Variants in SRGAP3 observed in about 807,000 individuals in gnomAD.
SRGAP3 encodes SLIT-ROBO Rho GTPase activating protein 3, also known as SLIT-ROBO Rho GTPase-activating protein 3.
SRGAP3 carries 39 observed loss-of-function variants against 121.1 expected under a neutral mutation model. The observed-to-expected ratio is 0.32, with a 90% CI of 0.25 to 0.42. The LOEUF (loss-of-function observed/expected upper bound fraction) is 0.42. Among genes scored for constraint, SRGAP3 ranks in the 10% least tolerant of loss-of-function variants. SRGAP3 has a pLI of 1.00. For missense variants in SRGAP3, 1,213 were observed against 1,470.6 expected, an observed-to-expected ratio of 0.82 and a Z score of 2.86; for synonymous variants, 601 against 570.0, an observed-to-expected ratio of 1.05 and a Z score of -0.77.
intron 1 of SRGAP3, among the ~76,000 whole-genome samples, chr3:9,214,280 T>A (rs1266213133): frequency 6.6e-6 from 1 of 152,198 alleles, no homozygotes; most frequent in African/African-American, 2.4e-5. Flanking sequence ...TTGCAAAGAA[T>A]ACTCATATTC....
chr3:8,986,041 G>T lies in SRGAP3; in HGVS notation c.2887-109C>A, dbSNP rs1941685822. 3 of 1,561,786 alleles carry T rather than the reference G, an allele frequency of 1.9e-6. No individual in the cohort carries two copies. In the Admixed American group the frequency reaches 5.5e-5, roughly 29 times the overall value. On this transcript the variant is annotated intron_variant, in intron 21 of 21. Transcript: ENST00000383836. ...AGGCAGGTTCCCCAGAAGCCTCGCGGCAGGGATGGAGATTAAGTCCTCAGG... is the reference window on the plus strand; with the variant it reads ...AGGCAGGTTCCCCAGAAGCCTCGCGTCAGGGATGGAGATTAAGTCCTCAGG...
At chr3:9,331,842 C>T (rs1395809090) in intron 1 of SRGAP3, among the ~76,000 whole-genome samples, 2 of 152,112 alleles carry the variant, frequency 1.3e-5, no homozygotes, top group Non-Finnish European at 2.9e-5. Flanking sequence ...AGCCTCCAGC[C>T]AACAACCTTC....
intron 3 of SRGAP3, among the ~76,000 whole-genome samples, chr3:9,298,906 G>C (rs1484634794): frequency 2.6e-5 from 4 of 151,898 alleles, no homozygotes; most frequent in African/African-American, 9.7e-5. Context: ...AGAAAAATTA[G>C]CCGGGCGTGG....
At chr3:9,070,936 G>A (rs961809548) in intron 4 of SRGAP3, among the ~76,000 whole-genome samples, 5 of 152,112 alleles carry the variant, frequency 3.3e-5, no homozygotes, top group African/African-American at 4.8e-5. Context: ...GATGAAGGAC[G>A]TACTAGGCAC....
At chr3:9,127,546 C>T (rs1337128463) in intron 1 of SRGAP3, among the ~76,000 whole-genome samples, 1 of 152,198 alleles carries the variant, frequency 6.6e-6, no homozygotes, top group Non-Finnish European at 1.5e-5. Context: ...CTCCTGGGTT[C>T]AAGCGATCCT....
At chr3:9,150,144 G>A (rs1167339067) in intron 1 of SRGAP3, among the ~76,000 whole-genome samples, 1 of 152,086 alleles carries the variant, frequency 6.6e-6, no homozygotes, top group East Asian at 1.9e-4. Context: ...AATGAGATGA[G>A]GGGGTGCCAG....
intron 1 of SRGAP3, among the ~76,000 whole-genome samples, chr3:9,152,966 C>G (rs964172728): frequency 5.9e-5 from 9 of 152,320 alleles, no homozygotes; most frequent in Non-Finnish European, 1.2e-4. Flanking sequence ...CTCGCTCTGC[C>G]CAGTCCTGCT....
At chr3:8,994,883 A>G (rs912954904) in intron 18 of SRGAP3, among the ~76,000 whole-genome samples, 3 of 152,028 alleles carry the variant, frequency 2.0e-5, no homozygotes, top group African/African-American at 7.3e-5. Flanking sequence ...CTATTTTTCT[A>G]TGCACCCTTT....
intron 1 of SRGAP3, among the ~76,000 whole-genome samples, chr3:9,174,189 G>T (rs1951090508): frequency 6.6e-6 from 1 of 152,244 alleles, no homozygotes; most frequent in African/African-American, 2.4e-5. Flanking sequence ...CTAGAGGAAG[G>T]AGGGAATGAG....
At chr3:9,244,951 C>T (rs1953769699) in intron 1 of SRGAP3, among the ~76,000 whole-genome samples, 1 of 152,122 alleles carries the variant, frequency 6.6e-6, no homozygotes, top group Non-Finnish European at 1.5e-5. Flanking sequence ...GGGTGAGCAG[C>T]ACCAAAGGCT....
intron 12 of SRGAP3, among the ~76,000 whole-genome samples, chr3:9,032,447 G>T (rs965884355): frequency 2.0e-5 from 3 of 152,178 alleles, no homozygotes; most frequent in Non-Finnish European, 4.4e-5. Flanking sequence ...TGAGAATTGC[G>T]CAGGGCACTT....
rs548958545 is a variant in SRGAP3 at position 9,111,456 on chromosome 3, T to G, written c.261-6614A>C. Among the ~76,000 whole-genome samples, 30 of 152,264 alleles carry G rather than the reference T, an allele frequency of 2.0e-4. No individual in the cohort carries two copies. The Middle Eastern group carries it at 0.01, about 52-fold the overall frequency. On this transcript the variant is annotated intron_variant, in intron 2 of 21. Transcript: ENST00000383836. ...CTCAGGGCGGAGAGCCTGGTGCATTTAAGGAACTAAGTAAAGAACAGCCTG... is the reference window on the plus strand; with the variant it reads ...CTCAGGGCGGAGAGCCTGGTGCATTGAAGGAACTAAGTAAAGAACAGCCTG...
At chr3:9,184,518 G>A (rs150709734) in intron 1 of SRGAP3, among the ~76,000 whole-genome samples, 168 of 152,280 alleles carry the variant, frequency 1.1e-3, no homozygotes, top group Middle Eastern at 6.8e-3. Flanking sequence ...AACCATCCAC[G>A]TAATCTCTTA....
At chr3:9,162,916 A>G (rs1019348159) in intron 1 of SRGAP3, among the ~76,000 whole-genome samples, 18 of 152,204 alleles carry the variant, frequency 1.2e-4, no homozygotes, top group African/African-American at 3.9e-4. Context: ...GAAGGTCGGG[A>G]TTTGGAGGCA....
chr3:9,273,344 T>C (rs1286562783), intron 3 of SRGAP3, among the ~76,000 whole-genome samples: 1 of 152,190 alleles, frequency 6.6e-6, no homozygotes, highest in Non-Finnish European at 1.5e-5. Flanking sequence ...TCCCTATTAA[T>C]TTGTGATGTT....
At chr3:9,190,992 G>A (rs767053924) in intron 1 of SRGAP3, among the ~76,000 whole-genome samples, 3 of 152,040 alleles carry the variant, frequency 2.0e-5, no homozygotes, top group South Asian at 2.1e-4. Flanking sequence ...CCCAAGTGTC[G>A]ACTTCTTTGG....
At chr3:9,193,754 C>T (rs1340401387) in intron 1 of SRGAP3, 1 of 152,370 alleles carries the variant, frequency 6.6e-6, no homozygotes, top group Non-Finnish European at 1.5e-5. Context: ...CAGCTGCCGT[C>T]ATCCACACCA....
At chr3:9,053,374 G>A in intron 8 of SRGAP3, 150 bp from the exon 9 acceptor site, 1 of 882,388 alleles carries the variant, frequency 1.1e-6, no homozygotes, top group Non-Finnish European at 1.8e-6. Flanking sequence ...CTGTATTAAT[G>A]TGGAAAACAC....
At chr3:9,091,328 A>G (rs1004755864) in intron 3 of SRGAP3, among the ~76,000 whole-genome samples, 1 of 151,936 alleles carries the variant, frequency 6.6e-6, no homozygotes, top group African/African-American at 2.4e-5. Flanking sequence ...ACATTTCATG[A>G]TTTTCCTAAT....
Sources: gnomAD v4.1 joint callset for allele counts (sites outside exome capture counted in the v4.1 genomes callset) on GRCh38, gnomAD v4.1.1 for gene constraint, MANE v1.5 for transcripts, NCBI Gene and HGNC (gene_info 2026-07-23, HGNC 2026-07-21) for gene names.